The following HIVEP1 variants were observed in gnomAD, a reference collection of about 807,000 sequenced individuals.
HIVEP1 encodes the protein HIVEP zinc finger 1, also known as zinc finger protein 40.
Under a neutral mutation model 180.0 loss-of-function variants are expected in HIVEP1, and 36 were observed. That is an observed-to-expected ratio of 0.20 (90% CI 0.15 to 0.26). HIVEP1 has a LOEUF of 0.26. Ranked by LOEUF, HIVEP1 falls within the 10% of genes least tolerant of loss-of-function variation. HIVEP1 has a pLI of 1.00. For missense variants in HIVEP1, 3,143 were observed against 3,268.7 expected (o/e 0.96, Z 0.94); for synonymous variants, 1,239 against 1,239.0 (o/e 1.00, Z 0.00).
rs1561958797 is a variant in HIVEP1, at chr6:12,120,060, A to G, written c.265A>G (p.Ser89Gly). Residue 89 changes from serine (S) to glycine (G), a missense_variant, in exon 4 of 9, where the codon AGT (serine) becomes GGT (glycine). Physicochemically the swap from Ser to Gly is moderately conservative, Grantham distance 56. Around this residue, in one of 12 missense-constraint regions of HIVEP1, gnomAD observed 114 missense variants for 134.5 expected, o/e 0.85. Coordinates refer to ENST00000379388, the MANE Select transcript of HIVEP1 (RefSeq NM_002114.4). ...AGAGTCATCTTTCGCCGTTCTTCAT[A>G]GTGCTTCGGAGTCTCACAAGAAACA... ...TEESSFAVLHSASESHKKQNY... is the reference protein window; with the variant it reads ...TEESSFAVLHGASESHKKQNY... The G allele has an allele frequency of 1.2e-6, 2 of 1,612,574 alleles. No homozygotes were observed. Among genetic ancestry groups the G allele is most frequent in the African/African-American group, 1.3e-5 (1 of 74,818 alleles).
chr6:12,054,352 C>T (rs891978241), intron 2 of HIVEP1, among the ~76,000 whole-genome samples: 1 of 152,170 alleles, frequency 6.6e-6, no homozygotes, highest in Admixed American at 6.5e-5. Context: ...GTTATAGTCA[C>T]TCATAACTGT....
chr6:12,197,439 A>G, the HIVEP1 span, among the ~76,000 whole-genome samples: 1 of 151,772 alleles, frequency 6.6e-6, no homozygotes, highest in African/African-American at 2.4e-5. Context: ...TGTGCCTGTA[A>G]TCCCAGCTAC....
intron 6 of HIVEP1, among the ~76,000 whole-genome samples, chr6:12,133,428 A>G (rs949370492): frequency 6.6e-6 from 1 of 152,232 alleles, no homozygotes; most frequent in Non-Finnish European, 1.5e-5. Context: ...AAAATTATTT[A>G]TTAAATTAAC....
chr6:12,016,503 TA>T (rs1767758315), intron 2 of HIVEP1, among the ~76,000 whole-genome samples: 1 of 152,238 alleles, frequency 6.6e-6, no homozygotes, highest in South Asian at 2.1e-4. Context: ...AGAAGTGACT[TA>T]AAAATCAAAT....
At chr6:12,151,457 A>T (rs936378353) in intron 7 of HIVEP1, among the ~76,000 whole-genome samples, 1 of 152,194 alleles carries the variant, frequency 6.6e-6, no homozygotes, top group African/African-American at 2.4e-5. Context: ...AACAATTGTA[A>T]TAGAAAAGGA....
chr6:12,016,955 C>T (rs2113573235), intron 2 of HIVEP1, among the ~76,000 whole-genome samples: 1 of 152,286 alleles, frequency 6.6e-6, no homozygotes, highest in African/African-American at 2.4e-5. Context: ...CTAGTTTGCA[C>T]AAGTGCAGCA....
chr6:12,194,430 A>G, the HIVEP1 span, among the ~76,000 whole-genome samples: 1 of 152,182 alleles, frequency 6.6e-6, no homozygotes, highest in South Asian at 2.1e-4. Flanking sequence ...TACAGCACTG[A>G]CCATTATGAC....
chr6:12,163,184 C>T (rs1347813327), intron 8 of HIVEP1, 99 bp from the exon 9 acceptor site: 3 of 916,928 alleles, frequency 3.3e-6, no homozygotes, highest in African/African-American at 1.7e-5. Context: ...AATATACTTA[C>T]TTTTATCTCA....
rs768514056 is a variant in HIVEP1 at position 12,121,493 on chromosome 6, C to T, written c.1698C>T (p.His566=). 6.2e-7 allele frequency: 1 copy of T among 1,614,218 alleles called. No individual in the cohort carries two copies. Among genetic ancestry groups the T allele is most frequent in the Non-Finnish European group, 8.5e-7 (1 of 1,180,038 alleles). The stretch of plus-strand genomic sequence containing the variant: ...CAGAGTTACCGAAAGTTGTGGTCCA[C>T]CATGTCACTGTGTCCCCCTTAAGAA... ...AVTELPKVVV[H]HVTVSPLRTD... Residue 566 remains histidine (H), a synonymous_variant, in exon 4 of 9, where the codon CAC becomes CAT. Coordinates refer to ENST00000379388, the MANE Select transcript of HIVEP1 (RefSeq NM_002114.4). This position sits in a 1 kb window ranked among gnomAD's most constrained non-coding sequence, Gnocchi z 5.3.
Position 12,124,619 on chromosome 6 carries a change from C to T in HIVEP1, c.4824C>T (p.Ser1608=). 1 of 1,614,140 alleles carries T rather than the reference C, an allele frequency of 6.2e-7. No individual in the cohort carries two copies. The highest frequency in any genetic ancestry group is 1.7e-5 in the Admixed American group (1 of 60,034). Residue 1608 remains serine (S), a synonymous_variant, in exon 4 of 9, where the codon AGC becomes AGT. Coordinates refer to ENST00000379388, the MANE Select transcript of HIVEP1 (RefSeq NM_002114.4). ...SATLPTKLID[S]MSNSHPLLPP... is the part of the protein sequence containing the mutation. ...CATTACCAACCAAATTAATTGACAGCATGTCTAATTCGCATCCTCTGCTAC... is the reference window on the plus strand; with the variant it reads ...CATTACCAACCAAATTAATTGACAGTATGTCTAATTCGCATCCTCTGCTAC...
intron 3 of HIVEP1, among the ~76,000 whole-genome samples, chr6:12,099,475 T>A (rs1056303399): frequency 1.3e-5 from 2 of 152,042 alleles, no homozygotes; most frequent in Admixed American, 6.5e-5. Flanking sequence ...CTCACTGAGT[T>A]TTTGGCCTGG....
intron 2 of HIVEP1, among the ~76,000 whole-genome samples, chr6:12,061,384 A>C (rs1337594876): frequency 6.6e-6 from 1 of 152,242 alleles, no homozygotes; most frequent in Non-Finnish European, 1.5e-5. Context: ...GGACTAATAC[A>C]CTCAGAAAAA....
chr6:12,146,544 A>G (rs1481466361), intron 7 of HIVEP1, among the ~76,000 whole-genome samples: 1 of 152,170 alleles, frequency 6.6e-6, no homozygotes, highest in Non-Finnish European at 1.5e-5. Flanking sequence ...TTACTTATAA[A>G]TAGTGTTTAT....
At chr6:12,118,458 TC>T (rs1248322437) in intron 3 of HIVEP1, among the ~76,000 whole-genome samples, 1 of 152,188 alleles carries the variant, frequency 6.6e-6, no homozygotes, top group Non-Finnish European at 1.5e-5. Flanking sequence ...CCAAAGTAAA[TC>T]ATGGCAAGTA....
intron 2 of HIVEP1, among the ~76,000 whole-genome samples, chr6:12,088,475 A>G (rs1439527931): frequency 6.6e-6 from 1 of 152,134 alleles, no homozygotes; most frequent in African/African-American, 2.4e-5. Flanking sequence ...GAAATAGAGC[A>G]TGCACATATT....
In HIVEP1 at chr6:12,124,721, T is replaced by G. The variant is rs1486784152; in HGVS notation, c.4926T>G (p.Ser1642Arg). 2 of 1,614,014 alleles carry G rather than the reference T, an allele frequency of 1.2e-6. No individual in the cohort carries two copies. The highest frequency in any genetic ancestry group is 2.7e-5 in the African/African-American group (2 of 74,992). ...TCATGCTGCCCATACGCCTGCAGAGTAGTGTTCCTGCTTACTGTTTTGCTA... is the reference window on the plus strand; with the variant it reads ...TCATGCTGCCCATACGCCTGCAGAGGAGTGTTCCTGCTTACTGTTTTGCTA... ...SSFMLPIRLQ[S>R]SVPAYCFATL... Residue 1642 changes from serine to arginine, a missense_variant, in exon 4 of 9, where the codon AGT becomes AGG. Ser to Arg is a moderately radical substitution (Grantham distance 110). Coordinates refer to ENST00000379388, the MANE Select transcript of HIVEP1 (RefSeq NM_002114.4).
At chr6:12,079,645 G>A (rs561220977) in intron 2 of HIVEP1, among the ~76,000 whole-genome samples, 3 of 152,258 alleles carry the variant, frequency 2.0e-5, no homozygotes, top group African/African-American at 7.2e-5. Context: ...AGAGAACATT[G>A]ATTTGCAAGG....
Position 12,111,428 on chromosome 6 carries a change from G to A in HIVEP1, c.95-8462G>A, listed in dbSNP as rs1347861146. Among the ~76,000 whole-genome samples the A allele has an allele frequency of 3.3e-5, 5 of 152,366 alleles. No individual in the cohort carries two copies. In the South Asian group the frequency reaches 6.2e-4, roughly 19 times the overall value. The stretch of plus-strand genomic sequence containing the variant: ...TGTCTTGTGGTTCTGTAGGTCAGAA[G>A]CCTGACACAGGACCTGGCTATAATG... On this transcript the variant is annotated intron_variant, in intron 3 of 8. Coordinates refer to ENST00000379388, the MANE Select transcript of HIVEP1 (RefSeq NM_002114.4).
At chr6:12,109,654 C>T (rs1419325642) in intron 3 of HIVEP1, among the ~76,000 whole-genome samples, 1 of 152,208 alleles carries the variant, frequency 6.6e-6, no homozygotes, top group Non-Finnish European at 1.5e-5. Context: ...CTTGCTGTTT[C>T]CACCACATCT....
Sources: gnomAD v4.1 joint callset for allele counts (sites outside exome capture counted in the v4.1 genomes callset) on GRCh38, gnomAD v4.1.1 for gene constraint, gnomAD v4.1.1 regional missense constraint, Gnocchi (gnomAD v3.1) non-coding constraint, MANE v1.5 for transcripts, NCBI Gene and HGNC (gene_info 2026-07-23, HGNC 2026-07-21) for gene names.